CSMD1: variants seen among roughly 807,000 people sequenced by gnomAD.
CSMD1 encodes the protein CUB and Sushi multiple domains 1, also known as CUB and sushi domain-containing protein 1.
A neutral mutation model predicts 417.5 loss-of-function variants in CSMD1; 213 were observed. The ratio of observed to expected loss-of-function variants is 0.51; its 90% CI spans 0.46 to 0.57. CSMD1 has a LOEUF of 0.57. Among genes scored for constraint, CSMD1 ranks in the 20% least tolerant of loss-of-function variants. The probability of loss-of-function intolerance (pLI) is 0.00; values close to 1 mark genes in which losing one functional copy is unlikely to be tolerated. For synonymous variants in CSMD1, 2,862 were observed against 1,736.8 expected (o/e 1.65, Z -16.11); for missense variants, 6,923 against 4,529.7 (o/e 1.53, Z -15.17).
intron 7 of CSMD1, among the ~76,000 whole-genome samples, chr8:3,678,162 C>T (rs577981460): frequency 1.3e-5 from 2 of 152,268 alleles, no homozygotes; most frequent in East Asian, 3.9e-4. Context: ...AGCTCCTCAC[C>T]AGCAACAGAA....
chr8:4,094,928 G>C (rs758002386), intron 3 of CSMD1, among the ~76,000 whole-genome samples: 2 of 152,198 alleles, frequency 1.3e-5, no homozygotes, highest in East Asian at 3.8e-4. Context: ...GGAAGTCATT[G>C]AAGGTTTTGA....
intron 3 of CSMD1, among the ~76,000 whole-genome samples, chr8:4,203,229 C>A (rs1187429028): frequency 6.6e-6 from 1 of 152,120 alleles, no homozygotes; most frequent in African/African-American, 2.4e-5. Context: ...AGAAAGAAGG[C>A]CACAAGCTCA....
chr8:3,663,480 G>T (rs1798524015), intron 7 of CSMD1, among the ~76,000 whole-genome samples: 1 of 152,086 alleles, frequency 6.6e-6, no homozygotes, highest in African/African-American at 2.4e-5. Context: ...ACTGTGAAAG[G>T]AAAATGAACC....
chr8:3,223,283 A>C (rs959305941), intron 28 of CSMD1, among the ~76,000 whole-genome samples: 2 of 152,232 alleles, frequency 1.3e-5, no homozygotes, highest in South Asian at 4.2e-4. Flanking sequence ...GGAAACTTTC[A>C]TTTTCCAGGC....
At chr8:3,517,507 A>T (rs1434402809) in intron 10 of CSMD1, among the ~76,000 whole-genome samples, 1 of 152,178 alleles carries the variant, frequency 6.6e-6, no homozygotes, top group East Asian at 1.9e-4. Flanking sequence ...TACTTAGAAA[A>T]TGTCAGGTTC....
intron 2 of CSMD1, among the ~76,000 whole-genome samples, chr8:4,521,921 T>C (rs934413341): frequency 5.3e-5 from 8 of 152,206 alleles, no homozygotes; most frequent in African/African-American, 1.9e-4. Flanking sequence ...CATGAGAAGA[T>C]GTGTACATTT....
chr8:3,720,654 CA>C (rs1802104816), intron 6 of CSMD1, among the ~76,000 whole-genome samples: 3 of 151,950 alleles, frequency 2.0e-5, no homozygotes, highest in African/African-American at 7.3e-5. Context: ...CACACACACA[CA>C]CCAGCACATT....
chr8:4,241,312 G>C (rs1802383525), intron 3 of CSMD1, among the ~76,000 whole-genome samples: 1 of 152,156 alleles, frequency 6.6e-6, no homozygotes, highest in African/African-American at 2.4e-5. Flanking sequence ...TAACCCCCTG[G>C]AACATATTTC....
chr8:3,694,054 T>A (rs1196139577), intron 7 of CSMD1, among the ~76,000 whole-genome samples: 2 of 150,692 alleles, frequency 1.3e-5, no homozygotes, highest in Admixed American at 1.3e-4. Flanking sequence ...TGTGTTGTGT[T>A]AGTGTGTGTG....
intron 2 of CSMD1, among the ~76,000 whole-genome samples, chr8:4,589,458 T>A (rs1034154528): frequency 2.0e-5 from 3 of 152,176 alleles, no homozygotes; most frequent in Admixed American, 6.5e-5. Context: ...AGGGTTAAGT[T>A]AAGTAAGACA....
chr8:4,220,200 C>G (rs2128807849), intron 3 of CSMD1, among the ~76,000 whole-genome samples: 1 of 152,364 alleles, frequency 6.6e-6, no homozygotes, highest in East Asian at 1.9e-4. Flanking sequence ...ATGTGCTCGC[C>G]TTCGCCTCTC....
intron 5 of CSMD1, among the ~76,000 whole-genome samples, chr8:3,785,620 G>T (rs1799415972): frequency 6.6e-6 from 1 of 152,210 alleles, no homozygotes; most frequent in Non-Finnish European, 1.5e-5. Flanking sequence ...GATGTTAGAA[G>T]CAAGTTACCA....
At chr8:4,331,275 C>G (rs1440107246) in intron 3 of CSMD1, among the ~76,000 whole-genome samples, 2 of 152,090 alleles carry the variant, frequency 1.3e-5, no homozygotes, top group East Asian at 1.9e-4. Flanking sequence ...CTCGGTGACA[C>G]AAGGTGCTGA....
At chr8:4,426,433 A>G (rs1040606920) in intron 2 of CSMD1, among the ~76,000 whole-genome samples, 1 of 148,808 alleles carries the variant, frequency 6.7e-6, no homozygotes, top group Non-Finnish European at 1.5e-5. Context: ...ATAAACATAT[A>G]CTATATAGAG....
rs78409838 is a variant in CSMD1 at position 3,431,867 on chromosome 8, G to C, written c.1562-22262C>G. Among the ~76,000 whole-genome samples the C allele has an allele frequency of 5.5e-3, 840 of 152,292 alleles. 10 individuals carry two copies. The highest frequency in any genetic ancestry group is 0.019 in the African/African-American group (809 of 41,562). ...CTACCAGCCTGCCACCACGCCCACA[G>C]TGAGATAAGATATCGGCTGCTCTTC... On this transcript the variant is annotated intron_variant, in intron 12 of 69. Coordinates refer to ENST00000635120, the MANE Select transcript of CSMD1 (RefSeq NM_033225.6).
chr8:3,206,435 GTGTA>G (rs1797272674), intron 30 of CSMD1, among the ~76,000 whole-genome samples: 1 of 100,624 alleles, frequency 9.9e-6, no homozygotes, highest in African/African-American at 4.0e-5. Flanking sequence ...GTGTGTGTGG[GTGTA>G]TGTGTGTGTG....
intron 2 of CSMD1, among the ~76,000 whole-genome samples, chr8:4,594,598 A>G (rs866023379): frequency 6.6e-6 from 1 of 152,146 alleles, no homozygotes; most frequent in African/African-American, 2.4e-5. Context: ...CTTAACCCAT[A>G]ACAGGAAACA....
At chr8:3,978,209 T>G (rs1224984503) in intron 5 of CSMD1, among the ~76,000 whole-genome samples, 5 of 152,190 alleles carry the variant, frequency 3.3e-5, no homozygotes. Flanking sequence ...ATGAGGTCAC[T>G]GCTGTGTGCT....
At chr8:3,413,241 T>G (rs559367498) in intron 12 of CSMD1, among the ~76,000 whole-genome samples, 1 of 151,088 alleles carries the variant, frequency 6.6e-6, no homozygotes, top group Non-Finnish European at 1.5e-5. Flanking sequence ...CTCCTTAGAG[T>G]AAAATAAATT....
Sources: allele counts gnomAD v4.1 joint callset (sites outside exome capture counted in the v4.1 genomes callset), GRCh38; gene constraint gnomAD v4.1.1; transcripts MANE v1.5; gene names NCBI Gene and HGNC (gene_info 2026-07-23, HGNC 2026-07-21).